ME3: variants seen among roughly 807,000 people sequenced by gnomAD.
The protein encoded by ME3 is malic enzyme 3.
ME3 carries 48 observed loss-of-function variants against 68.9 expected under a neutral mutation model. The observed-to-expected ratio is 0.70, with a 90% CI of 0.55 to 0.89. The LOEUF is 0.89. Ranked by LOEUF, ME3 falls within the 40% of genes least tolerant of loss-of-function variation. The pLI, the probability that ME3 is intolerant of heterozygous loss-of-function variation, is 0.00. For missense variants in ME3, 675 were observed against 797.4 expected, an observed-to-expected ratio of 0.85 and a Z score of 1.85; for synonymous variants, 320 against 318.8, an observed-to-expected ratio of 1.00 and a Z score of -0.04.
In ME3 at chr11:86,632,419, T is replaced by C. The variant is rs147198403; in HGVS notation, c.183+39343A>G. The stretch of plus-strand genomic sequence containing the variant: ...GGACTCGCTTCCCTGTGCCTGCTTC[T>C]GCCTGTTCCTCACACTACAGCCAAG... On this transcript the variant is annotated intron_variant, in intron 2 of 14. Transcript: ENST00000543262. Among the ~76,000 whole-genome samples the C allele has an allele frequency of 1.1e-4, 17 of 152,320 alleles. No individual in the cohort carries two copies. In the East Asian group the frequency reaches 3.3e-3, roughly 29 times the overall value.
intron 10 of ME3, 63 bp downstream of exon 10, chr11:86,449,826 C>T: frequency 8.0e-7 from 1 of 1,250,730 alleles, no homozygotes; most frequent in Non-Finnish European, 1.2e-6. Flanking sequence ...GAGACCTCTT[C>T]CAGTCCAGTT....
chr11:86,570,754 A>G (rs996991323), intron 2 of ME3, among the ~76,000 whole-genome samples: 3 of 152,190 alleles, frequency 2.0e-5, no homozygotes, highest in Non-Finnish European at 4.4e-5. Context: ...CACTGCCTGC[A>G]ACCTTCCATG....
At chr11:86,559,527 C>T (rs1957095414) in intron 3 of ME3, among the ~76,000 whole-genome samples, 163 bp downstream of exon 3, 1 of 152,204 alleles carries the variant, frequency 6.6e-6, no homozygotes, top group Admixed American at 6.5e-5. Flanking sequence ...CCTTGTCTCT[C>T]AGGGAGACCA....
chr11:86,607,452 G>GTTTTTTTTTTTTTTTT (rs146485846), intron 2 of ME3, among the ~76,000 whole-genome samples: 1 of 133,544 alleles, frequency 7.5e-6, no homozygotes, highest in Non-Finnish European at 1.6e-5. Flanking sequence ...GAGAGGCATA[G>GTTTTTTTTTTTTTTTT]TTTTTTTTTT....
At chr11:86,657,752 ATGT>A (rs1307610718) in intron 2 of ME3, among the ~76,000 whole-genome samples, 1 of 152,180 alleles carries the variant, frequency 6.6e-6, no homozygotes, top group Non-Finnish European at 1.5e-5. Flanking sequence ...CATCTTTATA[ATGT>A]TGTTCGTTCA....
intron 4 of ME3, among the ~76,000 whole-genome samples, chr11:86,518,697 A>C (rs532940479): frequency 2.0e-5 from 3 of 152,290 alleles, no homozygotes; most frequent in African/African-American, 7.2e-5. Context: ...GGGGTGGTGG[A>C]GGTGATCTTC....
intron 4 of ME3, among the ~76,000 whole-genome samples, chr11:86,526,770 C>T (rs1469062311): frequency 2.6e-5 from 4 of 152,184 alleles, no homozygotes; most frequent in Non-Finnish European, 5.9e-5. Context: ...CTGGAGTGGA[C>T]CTCCAGCAAC....
At chr11:86,578,528 T>C (rs1958251356) in intron 2 of ME3, among the ~76,000 whole-genome samples, 1 of 152,118 alleles carries the variant, frequency 6.6e-6, no homozygotes, top group South Asian at 2.1e-4. Context: ...AAGGACAAGC[T>C]CATCTGACAG....
intron 2 of ME3, among the ~76,000 whole-genome samples, chr11:86,644,153 GT>G (rs1275485568): frequency 6.6e-6 from 1 of 152,108 alleles, no homozygotes; most frequent in East Asian, 1.9e-4. Flanking sequence ...CAAGAACACA[GT>G]GGGGCAGCCC....
chr11:86,556,805 C>T lies in ME3; in HGVS notation c.318-103G>A, dbSNP rs555271912. 34 of 1,307,490 alleles carry T rather than the reference C, an allele frequency of 2.6e-5. No individual in the cohort carries two copies. The Admixed American group carries it at 3.0e-4, about 12-fold the overall frequency. The allele number at this position is 1,307,490 out of a possible 1,614,324, so 81.0% of individuals were successfully genotyped here. A position where few individuals can be genotyped will look rare whatever the true frequency, so the allele number is the denominator to read the frequency against. ...CCAAGGCTCCTGTTCCTGCTCAGCC[C>T]GGAACATTCATGGGCAAGCCATCTG... On this transcript the variant is annotated intron_variant, in intron 3 of 14. Transcript: ENST00000543262.
At chr11:86,586,033 T>C (rs1289236637) in intron 2 of ME3, among the ~76,000 whole-genome samples, 1 of 152,166 alleles carries the variant, frequency 6.6e-6, no homozygotes, top group Non-Finnish European at 1.5e-5. Context: ...GAAGAGTTGA[T>C]GGAGTTATAC....
intron 4 of ME3, among the ~76,000 whole-genome samples, chr11:86,528,704 A>C (rs926124812): frequency 2.0e-5 from 3 of 151,882 alleles, no homozygotes; most frequent in African/African-American, 7.3e-5. Flanking sequence ...TAAGAAACTC[A>C]CTCAAAACCG....
chr11:86,641,882 TA>T (rs948758162), intron 2 of ME3, among the ~76,000 whole-genome samples: 3 of 151,708 alleles, frequency 2.0e-5, no homozygotes, highest in Admixed American at 6.6e-5. Context: ...CCTCTTTTTT[TA>T]AAAAAAAACT....
chr11:86,608,557 T>G (rs1178223058), intron 2 of ME3, among the ~76,000 whole-genome samples: 3 of 152,108 alleles, frequency 2.0e-5, no homozygotes, highest in Non-Finnish European at 4.4e-5. Context: ...CCCTCTCAGC[T>G]CCCTCTAGAG....
intron 8 of ME3, among the ~76,000 whole-genome samples, chr11:86,458,102 A>C (rs960821248): frequency 2.0e-5 from 3 of 152,230 alleles, no homozygotes; most frequent in African/African-American, 4.8e-5. Flanking sequence ...CTCTGCTATG[A>C]GGCCACACCT....
intron 2 of ME3, among the ~76,000 whole-genome samples, chr11:86,588,713 A>C (rs1958881401): frequency 6.6e-6 from 1 of 152,162 alleles, no homozygotes; most frequent in African/African-American, 2.4e-5. Context: ...CATCCACTGA[A>C]GTATGAAGGG....
intron 3 of ME3, among the ~76,000 whole-genome samples, chr11:86,557,278 C>G (rs1956982132): frequency 6.6e-6 from 1 of 152,134 alleles, no homozygotes; most frequent in African/African-American, 2.4e-5. Flanking sequence ...TCTCTTTTAC[C>G]TAATCCCTGA....
At chr11:86,582,580 G>C (rs1415997151) in intron 2 of ME3, among the ~76,000 whole-genome samples, 8 of 152,168 alleles carry the variant, frequency 5.3e-5, no homozygotes, top group African/African-American at 1.9e-4. Context: ...AAGGAGAGTG[G>C]ATAAGTGCTG....
chr11:86,479,822 C>CTTTCTTTTTT (rs143860951), intron 7 of ME3, among the ~76,000 whole-genome samples: 1 of 147,350 alleles, frequency 6.8e-6, no homozygotes, highest in Non-Finnish European at 1.5e-5. Flanking sequence ...TTTTTTCTTT[C>CTTTCTTTTTT]TTTTTTTTTT....
Sources: gnomAD v4.1 joint callset for allele counts (sites outside exome capture counted in the v4.1 genomes callset) on GRCh38, gnomAD v4.1.1 for gene constraint, MANE v1.5 for transcripts, NCBI Gene and HGNC (gene_info 2026-07-23, HGNC 2026-07-21) for gene names.